MCUB: variants seen among roughly 807,000 people sequenced by gnomAD.
MCUB encodes the protein mitochondrial calcium uniporter dominant negative subunit beta.
Under a neutral mutation model 41.4 loss-of-function variants are expected in MCUB, and 46 were observed. The observed-to-expected ratio is 1.11, with a 90% CI of 0.88 to 1.42. MCUB has a LOEUF of 1.42. Ranked by LOEUF, MCUB falls within the 40% of genes most tolerant of loss-of-function variation. The probability of loss-of-function intolerance (pLI) is 0.00; values close to 1 mark genes in which losing one functional copy is unlikely to be tolerated. For synonymous variants in MCUB, 148 were observed against 148.2 expected (o/e 1.00, Z 0.01); for missense variants, 403 against 404.9 (o/e 1.00, Z 0.04).
intron 1 of MCUB, among the ~76,000 whole-genome samples, chr4:109,586,688 G>A (rs1727313984): frequency 6.6e-6 from 1 of 152,116 alleles, no homozygotes; most frequent in Non-Finnish European, 1.5e-5. Flanking sequence ...CTGTTTGTTA[G>A]TTTTCCTTCT....
At chr4:109,668,063 ATC>A (rs1561247601) in intron 4 of MCUB, among the ~76,000 whole-genome samples, 2 of 151,586 alleles carry the variant, frequency 1.3e-5, no homozygotes, top group Non-Finnish European at 2.9e-5. Context: ...CTTCATTGTG[ATC>A]TGTCTTGATG....
At chr4:109,598,673 C>G (rs1052642516) in intron 1 of MCUB, among the ~76,000 whole-genome samples, 2 of 152,116 alleles carry the variant, frequency 1.3e-5, no homozygotes, top group African/African-American at 4.8e-5. Flanking sequence ...AATTCTCTTT[C>G]AATTATGATC....
chr4:109,639,833 T>C (rs1579077884), intron 1 of MCUB, among the ~76,000 whole-genome samples: 1 of 152,214 alleles, frequency 6.6e-6, no homozygotes, highest in Non-Finnish European at 1.5e-5. Flanking sequence ...TTAATGAGCA[T>C]TGGCTTCACC....
At chr4:109,607,706 A>G (rs750076605) in intron 1 of MCUB, among the ~76,000 whole-genome samples, 10 of 152,122 alleles carry the variant, frequency 6.6e-5, no homozygotes, top group Non-Finnish European at 1.2e-4. Flanking sequence ...TAAATATGTC[A>G]TGCCACTCTC....
intron 1 of MCUB, among the ~76,000 whole-genome samples, chr4:109,568,905 T>G (rs1262208855): frequency 6.6e-6 from 1 of 152,242 alleles, no homozygotes; most frequent in Non-Finnish European, 1.5e-5. Flanking sequence ...TCAGGTTTTA[T>G]CTTCGCAATT....
In MCUB at chr4:109,587,350, T is replaced by A. The variant is rs1038485211; in HGVS notation, c.99+26914T>A. ...TTTGGGCGAGAGTGTCCCGTTTTTC[T>A]GGGTACCGTCTGTCACGGCTTCCGT... is the stretch of plus-strand genomic sequence containing the variant. On this transcript the variant is annotated intron_variant, in intron 1 of 7. Coordinates refer to ENST00000394650, the MANE Select transcript of MCUB (RefSeq NM_017918.5). Among the ~76,000 whole-genome samples, 11 of 152,360 alleles carry A rather than the reference T, an allele frequency of 7.2e-5. No individual in the cohort carries two copies. In the East Asian group the frequency reaches 2.1e-3, roughly 29 times the overall value.
At chr4:109,584,124 A>C (rs1049864545) in intron 1 of MCUB, among the ~76,000 whole-genome samples, 1 of 152,168 alleles carries the variant, frequency 6.6e-6, no homozygotes, top group Non-Finnish European at 1.5e-5. Context: ...CCTCAATTTC[A>C]GAACCTCTTA....
chr4:109,668,785 C>A lies in MCUB; in HGVS notation c.451+4391C>A, dbSNP rs1579092289. Among the ~76,000 whole-genome samples the A allele has an allele frequency of 4.0e-5, 6 of 151,474 alleles. 1 individual carries two copies. The highest frequency in any genetic ancestry group is 6.6e-5 in the Admixed American group (1 of 15,218). On this transcript the variant is annotated intron_variant, in intron 4 of 7. Coordinates refer to ENST00000394650, the MANE Select transcript of MCUB (RefSeq NM_017918.5). ...CATTCTGTATATTTCATTTTCTCTC[C>A]TTTTCCAGCATATTATTTATACTTC...
At chr4:109,612,989 C>T (rs1728050211) in intron 1 of MCUB, among the ~76,000 whole-genome samples, 1 of 151,980 alleles carries the variant, frequency 6.6e-6, no homozygotes, top group Non-Finnish European at 1.5e-5. Context: ...GTCTGTAGTC[C>T]CAGCTACTCG....
rs1005123979 is a variant in MCUB, at chr4:109,688,572, CATCT to C, written c.*984_*987del. 10 of 152,050 alleles carry C rather than the reference CATCT, an allele frequency of 6.6e-5. No individual in the cohort carries two copies. The highest frequency in any genetic ancestry group is 1.2e-4 in the African/African-American group (5 of 41,392). 9.4% of individuals were successfully genotyped at this position (152,050 alleles called of 1,614,324 possible). A position where few individuals can be genotyped will look rare whatever the true frequency, so the allele number is the denominator to read the frequency against. Reference sequence around the variant, plus strand: ...AACATTTAAATGACCGAGTAAAAAACATCTATCAATTACACAAATGAACAAGAAT... The same window carrying C: ...AACATTTAAATGACCGAGTAAAAAACATCAATTACACAAATGAACAAGAAT... On this transcript the variant is annotated 3_prime_UTR_variant, in exon 8 of 8. Coordinates refer to ENST00000394650, the MANE Select transcript of MCUB (RefSeq NM_017918.5).
At chr4:109,686,555 A>G (rs1253174585) in intron 7 of MCUB, among the ~76,000 whole-genome samples, 1 of 152,246 alleles carries the variant, frequency 6.6e-6, no homozygotes, top group Non-Finnish European at 1.5e-5. Context: ...TGAGAAGGCT[A>G]AGGAATGTTC....
intron 1 of MCUB, among the ~76,000 whole-genome samples, chr4:109,650,901 T>A (rs1398819498): frequency 1.5e-4 from 23 of 152,208 alleles, no homozygotes; most frequent in Non-Finnish European, 1.0e-4. Flanking sequence ...TGGGTTTGTC[T>A]GGTATTTCCT....
intron 1 of MCUB, among the ~76,000 whole-genome samples, chr4:109,562,532 A>T (rs1726665630): frequency 6.6e-6 from 1 of 152,128 alleles, no homozygotes. Flanking sequence ...TCATTCTAAG[A>T]TATCACTCTT....
intron 1 of MCUB, among the ~76,000 whole-genome samples, chr4:109,584,089 T>C (rs1279869605): frequency 1.3e-5 from 2 of 152,216 alleles, no homozygotes; most frequent in Admixed American, 1.3e-4. Flanking sequence ...TGGACTTTTT[T>C]TGGTTGGTAG....
intron 1 of MCUB, among the ~76,000 whole-genome samples, chr4:109,602,718 G>A (rs1045667559): frequency 2.1e-4 from 32 of 152,152 alleles, no homozygotes; most frequent in African/African-American, 7.5e-4. Context: ...TAAATTTTAG[G>A]ATTTGTTTTT....
chr4:109,578,032 T>C (rs1727074603), intron 1 of MCUB, among the ~76,000 whole-genome samples: 1 of 152,230 alleles, frequency 6.6e-6, no homozygotes, highest in African/African-American at 2.4e-5. Flanking sequence ...ATTCTTTGCA[T>C]AGTCAGATGT....
rs1243246976 is a variant in MCUB, at chr4:109,581,628, A to G, written c.99+21192A>G. ...GAATGGGAGAAAATTTTCGCAACCT[A>G]CTTATCTGACGAAGGGCTAATATCC... On this transcript the variant is annotated intron_variant, in intron 1 of 7. Transcript: ENST00000394650. 7.2e-5 allele frequency among the ~76,000 whole-genome samples: 11 copies of G among 152,334 alleles called. No individual in the cohort carries two copies. The East Asian group carries it at 1.5e-3, about 21-fold the overall frequency.
chr4:109,571,463 C>A (rs1253551398), intron 1 of MCUB, among the ~76,000 whole-genome samples: 1 of 152,150 alleles, frequency 6.6e-6, no homozygotes, highest in Non-Finnish European at 1.5e-5. Context: ...TAGGCACACG[C>A]CATCCTGCCC....
At chr4:109,594,140 T>C (rs1046286428) in intron 1 of MCUB, among the ~76,000 whole-genome samples, 2 of 152,228 alleles carry the variant, frequency 1.3e-5, no homozygotes, top group South Asian at 2.1e-4. Flanking sequence ...AGCCTGTCAC[T>C]TCTCTTTCAA....
Sources: gnomAD v4.1 joint callset for allele counts (sites outside exome capture counted in the v4.1 genomes callset) on GRCh38, gnomAD v4.1.1 for gene constraint, MANE v1.5 for transcripts, NCBI Gene and HGNC (gene_info 2026-07-23, HGNC 2026-07-21) for gene names.